CACNA2D3: variants seen among roughly 807,000 people sequenced by gnomAD.
CACNA2D3 encodes the protein calcium voltage-gated channel auxiliary subunit alpha2delta 3.
In CACNA2D3, 60 loss-of-function variants were observed where a neutral mutation model predicts 160.6. The ratio of observed to expected loss-of-function variants is 0.37; its 90% CI spans 0.30 to 0.46. CACNA2D3 has a LOEUF of 0.46. Among genes scored for constraint, CACNA2D3 ranks in the 20% least tolerant of loss-of-function variants. The pLI, the probability that CACNA2D3 is intolerant of heterozygous loss-of-function variation, is 1.00. For missense variants in CACNA2D3, 1,205 were observed against 1,365.0 expected (o/e 0.88, Z 1.85); for synonymous variants, 558 against 492.9 (o/e 1.13, Z -1.75).
intron 6 of CACNA2D3, among the ~76,000 whole-genome samples, chr3:54,564,899 G>A (rs887858938): frequency 6.6e-6 from 1 of 152,152 alleles, no homozygotes; most frequent in Admixed American, 6.5e-5. Flanking sequence ...CCATTTGGGC[G>A]ACAGCAATGA....
intron 2 of CACNA2D3, among the ~76,000 whole-genome samples, chr3:54,314,218 A>T (rs1449426600): frequency 2.0e-5 from 3 of 152,202 alleles, no homozygotes; most frequent in Non-Finnish European, 2.9e-5. Flanking sequence ...CTCCAGGTTG[A>T]TGTGAATGTC....
chr3:54,308,307 A>G (rs966870432), intron 2 of CACNA2D3, among the ~76,000 whole-genome samples: 1 of 152,292 alleles, frequency 6.6e-6, no homozygotes, highest in South Asian at 2.1e-4. Context: ...TCCATTCCTC[A>G]GGCTGTCCTT....
At chr3:54,661,433 G>A (rs1699968075) in intron 11 of CACNA2D3, among the ~76,000 whole-genome samples, 2 of 152,196 alleles carry the variant, frequency 1.3e-5, no homozygotes, top group Admixed American at 1.3e-4. Context: ...CCAAATGTCT[G>A]TGTGAGCCAA....
intron 2 of CACNA2D3, among the ~76,000 whole-genome samples, chr3:54,216,861 T>C (rs1020370847): frequency 6.6e-5 from 10 of 152,206 alleles, no homozygotes; most frequent in Non-Finnish European, 1.2e-4. Flanking sequence ...GTGTGTGCTT[T>C]GAGGATGCTG....
chr3:54,682,704 A>G (rs1005846985), intron 11 of CACNA2D3, among the ~76,000 whole-genome samples: 6 of 152,198 alleles, frequency 3.9e-5, no homozygotes, highest in African/African-American at 1.2e-4. Context: ...GCCTTTAAAT[A>G]TACTCTATTT....
intron 35 of CACNA2D3, among the ~76,000 whole-genome samples, chr3:55,041,748 G>A (rs1254869456): frequency 1.3e-5 from 2 of 151,818 alleles, no homozygotes; most frequent in Non-Finnish European, 2.9e-5. Flanking sequence ...TAAGGTGAAA[G>A]CTTAGATCAT....
At position 54,602,497 on chromosome 3, in the gene CACNA2D3, C is replaced by CAA. The variant is rs1156290031; in HGVS notation, c.963+20643_963+20644dup. 8.6e-3 allele frequency among the ~76,000 whole-genome samples: 607 copies of CAA among 70,414 alleles called. 6 individuals are homozygous for CAA. Among genetic ancestry groups the CAA allele is most frequent in the South Asian group, 0.017 (25 of 1,470 alleles). The allele number at this position is 70,414 out of a possible 152,430, so 46.2% of individuals were successfully genotyped here. A position where few individuals can be genotyped will look rare whatever the true frequency, so the allele number is the denominator to read the frequency against. ...TGGGCGACAGAGCGAGATTCCATCTCAAAAAAAAAAAAAAAAAAAAAAAAG... is the reference window on the plus strand; with the variant it reads ...TGGGCGACAGAGCGAGATTCCATCTCAAAAAAAAAAAAAAAAAAAAAAAAAAG... On this transcript the variant is annotated intron_variant, in intron 9 of 37. Transcript: ENST00000474759.
chr3:54,138,868 G>A (rs1699868360), intron 2 of CACNA2D3, among the ~76,000 whole-genome samples: 1 of 152,218 alleles, frequency 6.6e-6, no homozygotes. Flanking sequence ...ATTTTGTCTT[G>A]TTCCACCTCC....
At chr3:54,124,464 A>G (rs1481532777) in intron 2 of CACNA2D3, among the ~76,000 whole-genome samples, 1 of 152,242 alleles carries the variant, frequency 6.6e-6, no homozygotes, top group Non-Finnish European at 1.5e-5. Flanking sequence ...ATGATAGAAA[A>G]TAAAATTGGC....
chr3:54,348,614 G>T (rs1414928729), intron 3 of CACNA2D3, among the ~76,000 whole-genome samples: 1 of 152,182 alleles, frequency 6.6e-6, no homozygotes, highest in Non-Finnish European at 1.5e-5. Flanking sequence ...CGTAACTCAA[G>T]TTTTTCTTAT....
At chr3:54,591,031 A>G (rs1702849394) in intron 9 of CACNA2D3, among the ~76,000 whole-genome samples, 1 of 152,202 alleles carries the variant, frequency 6.6e-6, no homozygotes, top group Non-Finnish European at 1.5e-5. Flanking sequence ...ATTTGGGGAT[A>G]TGTTTAAATA....
In CACNA2D3 at chr3:54,897,017, C is replaced by T. The variant is rs529250785; in HGVS notation, c.2368+147C>T. The T allele has an allele frequency of 7.2e-5, 63 of 873,818 alleles. 2 individuals are homozygous for T. The highest frequency in any genetic ancestry group is 4.2e-4 in the South Asian group (25 of 59,816). The allele number at this position is 873,818 out of a possible 1,614,324, so 54.1% of individuals were successfully genotyped here. A position where few individuals can be genotyped will look rare whatever the true frequency, so the allele number is the denominator to read the frequency against. ...TGCTGAATATTGGGTCAGCCCTGAA[C>T]CAGTGACCAGTTCCATAAGAGTAAT... On this transcript the variant is annotated intron_variant, in intron 26 of 37. Transcript: ENST00000474759.
rs1703947982 is a variant in CACNA2D3 at position 55,040,975 on chromosome 3, A to T, written c.2987+22658A>T. On this transcript the variant is annotated intron_variant, in intron 35 of 37. Coordinates refer to ENST00000474759, the MANE Select transcript of CACNA2D3 (RefSeq NM_018398.3). ...TTTAGCTGTTGTTAAAATATAAGAA[A>T]AATTGAAATGTATTCATTTTTTTCA... Among the ~76,000 whole-genome samples, 5 of 152,324 alleles carry T rather than the reference A, an allele frequency of 3.3e-5. No homozygotes were observed. The South Asian group carries it at 1.0e-3, about 32-fold the overall frequency.
At chr3:54,823,658 A>G (rs1397599305) in intron 14 of CACNA2D3, among the ~76,000 whole-genome samples, 1 of 152,264 alleles carries the variant, frequency 6.6e-6, no homozygotes, top group Non-Finnish European at 1.5e-5. Flanking sequence ...ACCATAGTTC[A>G]AAAGGATATT....
intron 14 of CACNA2D3, among the ~76,000 whole-genome samples, chr3:54,822,664 C>T (rs1306821309): frequency 2.6e-5 from 4 of 152,090 alleles, no homozygotes; most frequent in Admixed American, 1.3e-4. Flanking sequence ...GCCGAAGCTA[C>T]GTGTGGGTTC....
At chr3:54,194,098 A>G (rs1193853682) in intron 2 of CACNA2D3, among the ~76,000 whole-genome samples, 1 of 152,140 alleles carries the variant, frequency 6.6e-6, no homozygotes, top group Admixed American at 6.6e-5. Flanking sequence ...GGTGGGGGAT[A>G]AAGAGAGGTT....
intron 31 of CACNA2D3, among the ~76,000 whole-genome samples, chr3:54,991,872 G>A (rs897966289): frequency 6.6e-6 from 1 of 152,212 alleles, no homozygotes; most frequent in South Asian, 2.1e-4. Flanking sequence ...CAAAGCCATT[G>A]CAAACAGGAG....
chr3:54,352,726 G>T (rs1011886865), intron 3 of CACNA2D3, among the ~76,000 whole-genome samples: 2 of 152,214 alleles, frequency 1.3e-5, no homozygotes, highest in African/African-American at 4.8e-5. Context: ...AAAGGCAGTG[G>T]TGCTTACTTT....
chr3:54,183,820 G>T (rs1268393865), intron 2 of CACNA2D3, among the ~76,000 whole-genome samples: 2 of 135,754 alleles, frequency 1.5e-5, no homozygotes, highest in Non-Finnish European at 3.1e-5. Flanking sequence ...GGGAGGCAGA[G>T]TTTGCAGTGA....
Sources: gnomAD v4.1 joint callset for allele counts (sites outside exome capture counted in the v4.1 genomes callset) on GRCh38, gnomAD v4.1.1 for gene constraint, MANE v1.5 for transcripts, NCBI Gene and HGNC (gene_info 2026-07-23, HGNC 2026-07-21) for gene names.